Variants in RBBP6 observed in about 807,000 individuals in gnomAD.
RBBP6 encodes the protein E3 ubiquitin-protein ligase RBBP6.
A neutral mutation model predicts 167.7 loss-of-function variants in RBBP6; 25 were observed. That is an observed-to-expected ratio of 0.15 (90% CI 0.11 to 0.21). The LOEUF (loss-of-function observed/expected upper bound fraction) is 0.21, where lower values mean the gene tolerates loss of function less well. RBBP6 is among the 10% of genes least tolerant of loss of function. The pLI is 1.00. For synonymous variants in RBBP6, 789 were observed against 735.8 expected (o/e 1.07, Z -1.17); for missense variants, 1,868 against 2,134.2 (o/e 0.88, Z 2.46).
chr16:24,572,046 C>T lies in RBBP6; in HGVS notation c.4980C>T (p.Asn1660=), dbSNP rs772421380. 1 of 1,614,078 alleles carries T rather than the reference C, an allele frequency of 6.2e-7. No individual in the cohort carries two copies. Among genetic ancestry groups the T allele is most frequent in the South Asian group, 1.1e-5 (1 of 91,086 alleles). ...TAAAAGAAGAGGAATCTTCAGGAAA[C>T]ATTTCTAAGGACCTGAAAGATAAAA... ...VSVKEEESSG[N]ISKDLKDKIV... Residue 1660 remains asparagine (N), a synonymous_variant, in exon 18 of 18, where the codon AAC becomes AAT. Coordinates refer to ENST00000319715, the MANE Select transcript of RBBP6 (RefSeq NM_006910.5).
rs943420221 is a variant in RBBP6 at position 24,571,620 on chromosome 16, G to A, written c.4554G>A (p.Glu1518=). ...GACAGAAAAATAAACCAAGGGAAGA[G>A]AGAGATTTGCCTAAAAAAGGAACAG... ...ASGQKNKPRE[E]RDLPKKGTGD... The change falls in exon 18 of 18, where the codon GAG becomes GAA. Residue 1518 remains glutamate, a synonymous_variant. Coordinates refer to ENST00000319715, the MANE Select transcript of RBBP6 (RefSeq NM_006910.5). 1.2e-6 allele frequency: 2 copies of A among 1,611,558 alleles called. No homozygotes were observed. The highest frequency in any genetic ancestry group is 2.7e-5 in the African/African-American group (2 of 74,738).
intron 2 of RBBP6, 45 bp downstream of exon 2, chr16:24,546,307 GT>G: frequency 7.0e-7 from 1 of 1,423,870 alleles, no homozygotes. Flanking sequence ...ACTTTTTTTA[GT>G]TTTTTTAATT....
chr16:24,540,812 AAG>A lies in RBBP6; in HGVS notation c.166+22_166+23del, dbSNP rs781747193. 1 of 1,602,088 alleles carries A rather than the reference AAG, an allele frequency of 6.2e-7. No homozygotes were observed. The highest frequency in any genetic ancestry group is 8.5e-7 in the Non-Finnish European group (1 of 1,175,216). On this transcript the variant is annotated intron_variant, in intron 1 of 17. Coordinates refer to ENST00000319715, the MANE Select transcript of RBBP6 (RefSeq NM_006910.5). Reference sequence around the variant, plus strand: ...AAGAAGGTAAGGGCCGCTTGGTCTTAAGATATTTGGTGGCTGGAGAGAGATAC... The same window carrying A: ...AAGAAGGTAAGGGCCGCTTGGTCTTAATATTTGGTGGCTGGAGAGAGATAC...
At chr16:24,559,886 G>A (rs1033808348) in intron 8 of RBBP6, 2 of 348,736 alleles carry the variant, frequency 5.7e-6, no homozygotes, top group African/African-American at 4.2e-5. Context: ...TTCTAGAATT[G>A]ACTTCTGTAC....
In RBBP6 at chr16:24,571,259, G is replaced by T. The variant is rs141925957; in HGVS notation, c.4193G>T (p.Ser1398Ile). ...EVKSSKNSASSEKGKTKDRDY... is the reference protein window; with the variant it reads ...EVKSSKNSASIEKGKTKDRDY... Reference sequence around the variant, plus strand: ...AAAAGTTCAAAAAACTCTGCATCTAGTGAAAAAGGGAAAACCAAAGATCGA... The same window carrying T: ...AAAAGTTCAAAAAACTCTGCATCTATTGAAAAAGGGAAAACCAAAGATCGA... The change falls in exon 18 of 18, where the codon AGT becomes ATT. Residue 1398 changes from serine to isoleucine, a missense_variant. By Grantham distance (142) the Ser-to-Ile change is moderately radical. This residue lies in a region of RBBP6 where 591 missense variants were observed against 540.5 expected (regional missense o/e 1.09). Coordinates refer to ENST00000319715, the MANE Select transcript of RBBP6 (RefSeq NM_006910.5). 1.6e-4 allele frequency: 264 copies of T among 1,612,330 alleles called. No individual in the cohort carries two copies. In the African/African-American group the frequency reaches 2.7e-3, roughly 16 times the overall value.
At chr16:24,559,900 C>T in intron 8 of RBBP6, 1 of 311,278 alleles carries the variant, frequency 3.2e-6, no homozygotes, top group Non-Finnish European at 5.8e-6. Flanking sequence ...TCTGTACCTT[C>T]ATCAGGGTGA....
Position 24,561,981 on chromosome 16 carries a change from T to C in RBBP6, c.1109T>C (p.Met370Thr), listed in dbSNP as rs751012416. The change falls in exon 10 of 18, where the codon ATG (methionine) becomes ACG (threonine). Residue 370 changes from methionine to threonine, a missense_variant. Physicochemically the swap from Met to Thr is moderately conservative, Grantham distance 81. Around this residue, in one of 7 missense-constraint regions of RBBP6, gnomAD observed 245 missense variants for 240.1 expected, o/e 1.02. Transcript: ENST00000319715. ...ATATCAAGACAACAAGATCCTCTTA[T>C]GATTCCAGTGACATCTTCATCAACT... ...SPISRQQDPL[M>T]IPVTSSSTHP... 21 of 1,613,724 alleles carry C rather than the reference T, an allele frequency of 1.3e-5. No homozygotes were observed. The East Asian group carries it at 1.3e-4, about 10-fold the overall frequency.
chr16:24,561,044 G>A (rs921717524), intron 8 of RBBP6, among the ~76,000 whole-genome samples: 17 of 151,956 alleles, frequency 1.1e-4, no homozygotes, highest in African/African-American at 4.1e-4. Context: ...CTTAATCTTC[G>A]TATCTGTAAT....
chr16:24,542,705 C>G (rs1447880249), intron 1 of RBBP6, among the ~76,000 whole-genome samples: 1 of 152,120 alleles, frequency 6.6e-6, no homozygotes, highest in Non-Finnish European at 1.5e-5. Flanking sequence ...TCAAGTGATC[C>G]ACCCACCTGG....
In RBBP6 at chr16:24,540,377, T is replaced by C. The variant is rs1373192432; in HGVS notation, c.-250T>C. ...TGACATTGTGCCCGTTGGCGGATTC[T>C]CGATTTCCCCTCTTCCCCGTCCTCG... On this transcript the variant is annotated 5_prime_UTR_variant, in exon 1 of 18. Transcript: ENST00000319715. 1.8e-5 allele frequency: 7 copies of C among 378,678 alleles called. No individual in the cohort carries two copies. The South Asian group carries it at 2.8e-4, about 15-fold the overall frequency. 23.5% of individuals were successfully genotyped at this position (378,678 alleles called of 1,614,324 possible). A position where few individuals can be genotyped will look rare whatever the true frequency, so the allele number is the denominator to read the frequency against.
Position 24,570,974 on chromosome 16 carries a change from A to G in RBBP6, c.3908A>G (p.Asn1303Ser), listed in dbSNP as rs1596515497. The G allele has an allele frequency of 6.2e-7, 1 of 1,612,266 alleles. No homozygotes were observed. Among genetic ancestry groups the G allele is most frequent in the Non-Finnish European group, 8.5e-7 (1 of 1,178,400 alleles). Residue 1303 changes from asparagine (N) to serine (S), a missense_variant, in exon 18 of 18, where the codon AAT (asparagine) becomes AGT (serine). This residue lies in a region of RBBP6 where 19 missense variants were observed against 40.5 expected (regional missense o/e 0.47). Transcript: ENST00000319715. ...ACGATGGAAGAATATAATAATGACA[A>G]TACCGCGCCAGCTGAAGATGTTATC... ...IKTMEEYNND[N>S]TAPAEDVIIM... is the part of the protein sequence containing the mutation.
In RBBP6 at chr16:24,562,160, C is replaced by T. The variant is rs748181118; in HGVS notation, c.1288C>T (p.Arg430Trp). The T allele has an allele frequency of 1.1e-5, 17 of 1,597,854 alleles. No individual in the cohort carries two copies. Among genetic ancestry groups the T allele is most frequent in the African/African-American group, 1.3e-5 (1 of 74,588 alleles). Residue 430 changes from arginine to tryptophan, a missense_variant and splice_region_variant, in exon 10 of 18, where the codon CGG becomes TGG. Arg to Trp is a moderately radical substitution (Grantham distance 101, BLOSUM62 -3). Around this residue, in one of 7 missense-constraint regions of RBBP6, gnomAD observed 245 missense variants for 240.1 expected, o/e 1.02. Transcript: ENST00000319715. ...VHSEKSDGPF[R>W]DSDNKILPAA... ...TTCAGAAAAATCAGATGGACCTTTT[C>T]GGTAAGCCTGTGTGTTTTTCACTGT... is the stretch of plus-strand genomic sequence containing the variant.
Position 24,572,218 on chromosome 16 carries a change from G to A in RBBP6, c.5152G>A (p.Ala1718Thr). ...CCAGACCCGAAGCCACAGTAGCAGT[G>A]CCAGCTCAGCAGAAAGTCAGGACAG... ...GSQTRSHSSS[A>T]SSAESQDSKK... The change falls in exon 18 of 18, where the codon GCC becomes ACC. Residue 1718 changes from alanine (A) to threonine (T), a missense_variant. Physicochemically the swap from Ala to Thr is moderately conservative, Grantham distance 58. This residue lies in a region of RBBP6 where 591 missense variants were observed against 540.5 expected (regional missense o/e 1.09). Transcript: ENST00000319715. The A allele has an allele frequency of 1.2e-6, 2 of 1,613,994 alleles. No individual in the cohort carries two copies. Among genetic ancestry groups the A allele is most frequent in the South Asian group, 2.2e-5 (2 of 91,066 alleles).
intron 1 of RBBP6, among the ~76,000 whole-genome samples, chr16:24,543,827 A>T (rs1434062708): frequency 6.6e-6 from 1 of 152,116 alleles, no homozygotes; most frequent in East Asian, 1.9e-4. Context: ...GTGTTTATAA[A>T]TGACCCTTGT....
At chr16:24,554,470 T>TA (rs1465230710) in intron 4 of RBBP6, 1 of 152,056 alleles carries the variant, frequency 6.6e-6, no homozygotes, top group Non-Finnish European at 1.5e-5. Context: ...TTGGCTTTGT[T>TA]ATGTCCTTTC....
intron 2 of RBBP6, among the ~76,000 whole-genome samples, chr16:24,546,840 G>A (rs189021317): frequency 3.3e-4 from 50 of 152,224 alleles, no homozygotes; most frequent in Admixed American, 1.6e-3. Flanking sequence ...AAATAAAATA[G>A]GGACGTGAGT....
chr16:24,550,366 T>A (rs1044514879), intron 3 of RBBP6, among the ~76,000 whole-genome samples: 2 of 132,110 alleles, frequency 1.5e-5, no homozygotes, highest in Non-Finnish European at 3.5e-5. Flanking sequence ...TTTTTTTGTT[T>A]TTTTGTTTTT....
Position 24,569,360 on chromosome 16 carries a change from A to C in RBBP6, c.2670A>C (p.Arg890Ser), listed in dbSNP as rs1899269610. 3 of 1,614,168 alleles carry C rather than the reference A, an allele frequency of 1.9e-6. No individual in the cohort carries two copies. The highest frequency in any genetic ancestry group is 4.5e-5 in the East Asian group (2 of 44,882). Residue 890 changes from arginine (R) to serine (S), a missense_variant, in exon 17 of 18, where the codon AGA becomes AGC. Around this residue, in one of 7 missense-constraint regions of RBBP6, gnomAD observed 673 missense variants for 691.5 expected, o/e 0.97. Coordinates refer to ENST00000319715, the MANE Select transcript of RBBP6 (RefSeq NM_006910.5). ...ACTATGTTGGTGGGCAAAGTCATAGAAGTCGAAACATAGGTAGCAACTATC... is the reference window on the plus strand; with the variant it reads ...ACTATGTTGGTGGGCAAAGTCATAGCAGTCGAAACATAGGTAGCAACTATC... Reference protein sequence around the residue: ...REDYVGGQSHRSRNIGSNYPE... With the variant: ...REDYVGGQSHSSRNIGSNYPE...
chr16:24,553,317 T>G (rs898651273), intron 3 of RBBP6, 196 bp from the exon 4 acceptor site: 4 of 477,114 alleles, frequency 8.4e-6, no homozygotes, highest in African/African-American at 5.8e-5. Flanking sequence ...CCCCTCCAAC[T>G]GATAGCTTTT....
Sources: gnomAD v4.1 joint callset for allele counts (sites outside exome capture counted in the v4.1 genomes callset) on GRCh38, gnomAD v4.1.1 for gene constraint, gnomAD v4.1.1 regional missense constraint, MANE v1.5 for transcripts, NCBI Gene and HGNC (gene_info 2026-07-23, HGNC 2026-07-21) for gene names.